Variants in TOMM70 observed in about 807,000 individuals in gnomAD.
TOMM70 encodes the protein translocase of outer mitochondrial membrane 70.
TOMM70 carries 13 observed loss-of-function variants against 73.6 expected under a neutral mutation model. The ratio of observed to expected loss-of-function variants is 0.18; its 90% CI spans 0.11 to 0.28. The LOEUF is 0.28. Ranked by LOEUF, TOMM70 falls within the 10% of genes least tolerant of loss-of-function variation. The pLI, the probability that TOMM70 is intolerant of heterozygous loss-of-function variation, is 1.00. For synonymous variants in TOMM70, 257 were observed against 271.2 expected (o/e 0.95, Z 0.51); for missense variants, 609 against 747.5 (o/e 0.81, Z 2.16).
At chr3:100,373,811 G>A in intron 7 of TOMM70, 166 bp from the exon 8 acceptor site, 1 of 499,244 alleles carries the variant, frequency 2.0e-6, no homozygotes, top group Non-Finnish European at 3.5e-6. Context: ...AATTTAAAAG[G>A]CAAGATTCCA....
intron 1 of TOMM70, among the ~76,000 whole-genome samples, chr3:100,387,599 G>GACACACACACACACAC (rs71752325): frequency 1.6e-4 from 19 of 118,212 alleles, no homozygotes; most frequent in Non-Finnish European, 2.5e-4. Context: ...CACAGACACA[G>GACACACACACACACAC]ACACACACAC....
chr3:100,378,506 T>C (rs149398197), intron 5 of TOMM70, among the ~76,000 whole-genome samples: 13 of 152,224 alleles, frequency 8.5e-5, no homozygotes, highest in Middle Eastern at 3.4e-3. Context: ...GCTTAGACAT[T>C]TAGATACTGA....
chr3:100,383,325 C>T (rs1320847327), intron 4 of TOMM70, among the ~76,000 whole-genome samples: 1 of 152,014 alleles, frequency 6.6e-6, no homozygotes, highest in African/African-American at 2.4e-5. Flanking sequence ...AGTTCGAGAC[C>T]AGCCTGGGTA....
At chr3:100,385,604 T>G (rs566987085) in intron 3 of TOMM70, among the ~76,000 whole-genome samples, 1 of 152,348 alleles carries the variant, frequency 6.6e-6, no homozygotes, top group East Asian at 1.9e-4. Context: ...ATACTGTTAA[T>G]TGCAGCTTTG....
At chr3:100,370,145 T>C (rs1249400317) in intron 9 of TOMM70, among the ~76,000 whole-genome samples, 1 of 152,228 alleles carries the variant, frequency 6.6e-6, no homozygotes, top group African/African-American at 2.4e-5. Flanking sequence ...TTCTTTATAA[T>C]AAAAATCAGA....
rs2148887251 is a variant in TOMM70, at chr3:100,363,458, A to C, written c.*2106T>G. ...TCTTTCTATTTAAAGAATAGATAGA[A>C]GAGCTTGAATGTAATATTTATTTGG... On this transcript the variant is annotated 3_prime_UTR_variant, in exon 12 of 12. Coordinates refer to ENST00000284320, the MANE Select transcript of TOMM70 (RefSeq NM_014820.5). 1 of 152,760 alleles carries C rather than the reference A, an allele frequency of 6.5e-6. No individual in the cohort carries two copies. The highest frequency in any genetic ancestry group is 2.1e-4 in the South Asian group (1 of 4,830). The allele number at this position is 152,760 out of a possible 1,614,324, so 9.5% of individuals were successfully genotyped here.
Position 100,384,574 on chromosome 3 carries a change from A to G in TOMM70, c.640T>C (p.Cys214Arg). Residue 214 changes from cysteine to arginine, a missense_variant, in exon 4 of 12, where the codon TGT becomes CGT. Physicochemically the swap from Cys to Arg is radical, Grantham distance 180 (BLOSUM62 -3). Transcript: ENST00000284320. ...KECLEDVTAV[C>R]ILEGFQNQQS... is the part of the protein sequence containing the mutation. ...TGATTTTGGAACCCTTCTAATATAC[A>G]CACAGCAGTGACATCTAGAAATGAT... 6.2e-7 allele frequency: 1 copy of G among 1,600,698 alleles called. No homozygotes were observed. Among genetic ancestry groups the G allele is most frequent in the East Asian group, 2.2e-5 (1 of 44,772 alleles).
Position 100,386,662 on chromosome 3 carries a change from C to T in TOMM70, c.498+143G>A, listed in dbSNP as rs2304806. 0.013 allele frequency: 13,592 copies of T among 1,024,236 alleles called. 1,769 individuals are homozygous for T. In the East Asian group the frequency reaches 0.3, roughly 23 times the overall value. 63.4% of individuals were successfully genotyped at this position (1,024,236 alleles called of 1,614,324 possible). A position where few individuals can be genotyped will look rare whatever the true frequency, so the allele number is the denominator to read the frequency against. On this transcript the variant is annotated intron_variant, in intron 2 of 11. Coordinates refer to ENST00000284320, the MANE Select transcript of TOMM70 (RefSeq NM_014820.5). The stretch of plus-strand genomic sequence containing the variant: ...AGAATTTGTTCTTTAAAAAGTTTTG[C>T]AATTAATGGAAATAAGAACAACATC...
intron 3 of TOMM70, among the ~76,000 whole-genome samples, chr3:100,385,258 T>C (rs1180893315): frequency 6.6e-6 from 1 of 152,244 alleles, no homozygotes; most frequent in Non-Finnish European, 1.5e-5. Flanking sequence ...CTGTTTCTTC[T>C]ACGTGACACT....
At chr3:100,366,086 G>A (rs1706444944) in intron 11 of TOMM70, among the ~76,000 whole-genome samples, 1 of 152,168 alleles carries the variant, frequency 6.6e-6, no homozygotes, top group South Asian at 2.1e-4. Context: ...AATTTTACAT[G>A]TTTCTACTGT....
intron 6 of TOMM70, among the ~76,000 whole-genome samples, chr3:100,376,855 AAAT>A (rs1357223639): frequency 1.3e-5 from 2 of 152,218 alleles, no homozygotes; most frequent in African/African-American, 2.4e-5. Context: ...CATATAGAAC[AAAT>A]AATAACATCC....
intron 11 of TOMM70, among the ~76,000 whole-genome samples, chr3:100,366,208 A>AC (rs1706446201): frequency 6.6e-6 from 1 of 152,128 alleles, no homozygotes; most frequent in Non-Finnish European, 1.5e-5. Context: ...TTCATCTCTT[A>AC]CCAGCACATC....
intron 1 of TOMM70, among the ~76,000 whole-genome samples, chr3:100,394,564 C>T (rs1456362587): frequency 6.6e-6 from 1 of 152,112 alleles, no homozygotes; most frequent in Non-Finnish European, 1.5e-5. Flanking sequence ...AGTGCAATGG[C>T]AGGATCTCAG....
intron 1 of TOMM70, among the ~76,000 whole-genome samples, chr3:100,388,733 TA>T (rs1706721614): frequency 6.6e-6 from 1 of 152,146 alleles, no homozygotes; most frequent in Admixed American, 6.5e-5. Context: ...ACAAAAAATT[TA>T]GTTTCAAAAA....
chr3:100,376,384 T>TTTTTTTTTTTTTTTTTA (rs56879793), intron 6 of TOMM70, among the ~76,000 whole-genome samples: 2 of 150,438 alleles, frequency 1.3e-5, no homozygotes, highest in African/African-American at 5.0e-5. Context: ...TTTTTTTTTT[T>TTTTTTTTTTTTTTTTTA]GAGACAGGAT....
intron 10 of TOMM70, 89 bp from the exon 11 acceptor site, chr3:100,368,255 A>G (rs1406660754): frequency 3.5e-6 from 5 of 1,444,900 alleles, no homozygotes; most frequent in Non-Finnish European, 3.7e-6. Context: ...TCTGCCTTCA[A>G]TGAACTTATA....
intron 2 of TOMM70, among the ~76,000 whole-genome samples, chr3:100,386,575 C>T (rs927496159): frequency 1.3e-5 from 2 of 152,138 alleles, no homozygotes. Context: ...TCTATACTAT[C>T]TAATTTTATA....
At chr3:100,370,249 T>C (rs1409474588) in intron 9 of TOMM70, among the ~76,000 whole-genome samples, 1 of 152,212 alleles carries the variant, frequency 6.6e-6, no homozygotes, top group African/African-American at 2.4e-5. Flanking sequence ...TACTTCCCTA[T>C]TTGTTTTCTT....
At position 100,373,525 on chromosome 3, in the gene TOMM70, A is replaced by G. The variant is rs1275843164; in HGVS notation, c.1335+13T>C. ...GTGATGTTTAGGAAAATACAAAAGA[A>G]AGTAGTACCTACCAATGCAAAACAT... On this transcript the variant is annotated intron_variant, in intron 8 of 11. Transcript: ENST00000284320. The G allele has an allele frequency of 4.4e-6, 7 of 1,585,216 alleles. No individual in the cohort carries two copies. The highest frequency in any genetic ancestry group is 1.4e-5 in the African/African-American group (1 of 73,192).
Sources: gnomAD v4.1 joint callset for allele counts (sites outside exome capture counted in the v4.1 genomes callset) on GRCh38, gnomAD v4.1.1 for gene constraint, MANE v1.5 for transcripts, NCBI Gene and HGNC (gene_info 2026-07-23, HGNC 2026-07-21) for gene names.